The following FIG4 variants were observed in gnomAD, a reference collection of about 807,000 sequenced individuals.
The protein encoded by FIG4 is polyphosphoinositide phosphatase.
In FIG4, 112 loss-of-function variants were observed where a neutral mutation model predicts 118.6. That is an observed-to-expected ratio of 0.94 (90% CI 0.81 to 1.11). The LOEUF is 1.11. Among genes scored for constraint, FIG4 ranks in the 50% least tolerant of loss-of-function variants. The pLI, the probability that FIG4 is intolerant of heterozygous loss-of-function variation, is 0.00. For missense variants in FIG4, 969 were observed against 1,111.7 expected (o/e 0.87, Z 1.83); for synonymous variants, 369 against 381.2 (o/e 0.97, Z 0.37).
At chr6:109,770,688 G>A (rs2128393459) in intron 15 of FIG4, among the ~76,000 whole-genome samples, 1 of 152,202 alleles carries the variant, frequency 6.6e-6, no homozygotes. Context: ...CACATGGCAA[G>A]GGGTGAGGGG....
chr6:109,775,031 G>A (rs908225599), intron 15 of FIG4, among the ~76,000 whole-genome samples: 2 of 152,164 alleles, frequency 1.3e-5, no homozygotes, highest in African/African-American at 4.8e-5. Flanking sequence ...AATGTAGTCA[G>A]TAGTAAAATT....
chr6:109,694,760 A>G (rs1394814968), intron 1 of FIG4, among the ~76,000 whole-genome samples: 1 of 152,202 alleles, frequency 6.6e-6, no homozygotes, highest in African/African-American at 2.4e-5. Context: ...AGATAATCCA[A>G]TTAAAAATGG....
chr6:109,723,858 G>C (rs970950057), intron 3 of FIG4, among the ~76,000 whole-genome samples: 5 of 152,210 alleles, frequency 3.3e-5, no homozygotes, highest in African/African-American at 1.2e-4. Context: ...TGGAGAGAGA[G>C]AAGAATGGAG....
At chr6:109,805,869 A>T (rs1421407348) in intron 22 of FIG4, among the ~76,000 whole-genome samples, 1 of 152,192 alleles carries the variant, frequency 6.6e-6, no homozygotes, top group South Asian at 2.1e-4. Context: ...GTGACTTGAA[A>T]ATACAAAAGT....
rs1266510081 is a variant in FIG4 at position 109,752,151 on chromosome 6, C to T, written c.1138-8099C>T. On this transcript the variant is annotated intron_variant, in intron 10 of 22. Coordinates refer to ENST00000230124, the MANE Select transcript of FIG4 (RefSeq NM_014845.6). ...ATGATTTCCAATTTCATCCATGCCC[C>T]TACAAAGGACATGAATTCATCATTT... is the stretch of plus-strand genomic sequence containing the variant. 7.9e-5 allele frequency among the ~76,000 whole-genome samples: 12 copies of T among 152,028 alleles called. No homozygotes were observed. The South Asian group carries it at 1.7e-3, about 21-fold the overall frequency.
At chr6:109,721,273 A>C (rs2128382562) in intron 3 of FIG4, among the ~76,000 whole-genome samples, 1 of 152,246 alleles carries the variant, frequency 6.6e-6, no homozygotes, top group South Asian at 2.1e-4. Flanking sequence ...TAGAGATGTC[A>C]CTTTGGTTCC....
At chr6:109,741,418 T>A (rs747738712) in intron 7 of FIG4, 26 bp from the exon 8 acceptor site, 4 of 1,449,052 alleles carry the variant, frequency 2.8e-6, no homozygotes, top group Non-Finnish European at 3.9e-6. Flanking sequence ...TCATGAATGC[T>A]AAACAACCTT....
chr6:109,741,152 CCTTA>C (rs746497602), intron 7 of FIG4, among the ~76,000 whole-genome samples: 4 of 152,138 alleles, frequency 2.6e-5, no homozygotes, highest in Non-Finnish European at 4.4e-5. Context: ...TTGTTTACAT[CCTTA>C]CTTGGCCATA....
chr6:109,749,588 T>TAAAATAAAATAAAATAAAATAA (rs1554302298), intron 10 of FIG4, among the ~76,000 whole-genome samples: 1 of 141,764 alleles, frequency 7.1e-6, no homozygotes, highest in South Asian at 2.3e-4. Flanking sequence ...CCTGCCTCAA[T>TAAAATAAAATAAAATAAAATAA]AATAAAATAA....
intron 3 of FIG4, among the ~76,000 whole-genome samples, chr6:109,716,810 G>T (rs969578765): frequency 2.6e-5 from 4 of 152,106 alleles, no homozygotes; most frequent in African/African-American, 9.7e-5. Context: ...AATGTTTTTG[G>T]CCTTTGAGGA....
intron 6 of FIG4, among the ~76,000 whole-genome samples, chr6:109,737,636 C>T (rs533966376): frequency 2.0e-5 from 3 of 152,216 alleles, no homozygotes; most frequent in East Asian, 3.9e-4. Context: ...TATAAACATA[C>T]TTTTAATTTT....
At chr6:109,794,593 G>A (rs17613515) in intron 21 of FIG4, among the ~76,000 whole-genome samples, 1,726 of 152,322 alleles carry the variant, frequency 0.011, 17 homozygotes, top group Non-Finnish European at 0.019. Flanking sequence ...GGATGTTCAG[G>A]GACTGATTGG....
At chr6:109,754,637 A>C (rs1776823151) in intron 10 of FIG4, among the ~76,000 whole-genome samples, 1 of 152,074 alleles carries the variant, frequency 6.6e-6, no homozygotes, top group Admixed American at 6.5e-5. Flanking sequence ...TGGTCTATTC[A>C]GAGATTCAAC....
intron 21 of FIG4, 68 bp from the exon 22 acceptor site, chr6:109,796,697 G>C: frequency 1.1e-6 from 1 of 902,010 alleles, no homozygotes; most frequent in Non-Finnish European, 1.9e-6. Context: ...ACACCATTTT[G>C]TGTGATCTAC....
intron 1 of FIG4, among the ~76,000 whole-genome samples, chr6:109,707,850 G>A (rs574569015): frequency 2.0e-5 from 3 of 151,948 alleles, no homozygotes; most frequent in East Asian, 1.9e-4. Flanking sequence ...TTTTTGAAGC[G>A]AAATATCTTT....
chr6:109,819,152 TA>T (rs1327396764), intron 22 of FIG4, among the ~76,000 whole-genome samples: 5 of 152,206 alleles, frequency 3.3e-5, no homozygotes, highest in Non-Finnish European at 1.5e-5. Context: ...GACCTATAAA[TA>T]AAGACTGCCT....
At chr6:109,810,373 C>A (rs1425122163) in intron 22 of FIG4, among the ~76,000 whole-genome samples, 1 of 152,182 alleles carries the variant, frequency 6.6e-6, no homozygotes, top group Non-Finnish European at 1.5e-5. Flanking sequence ...GGATCTGATC[C>A]CATTCCTTCC....
At chr6:109,726,098 G>A (rs1413391516) in intron 3 of FIG4, among the ~76,000 whole-genome samples, 4 of 149,566 alleles carry the variant, frequency 2.7e-5, no homozygotes, top group African/African-American at 9.7e-5. Context: ...AAGCTCTTTA[G>A]TTTAATTAAA....
chr6:109,701,636 A>T (rs1453340325), intron 1 of FIG4: 1 of 467,950 alleles, frequency 2.1e-6, no homozygotes, highest in Non-Finnish European at 4.4e-6. Flanking sequence ...ATATGTATGC[A>T]TTTATTGCCT....
Sources: allele counts gnomAD v4.1 joint callset (sites outside exome capture counted in the v4.1 genomes callset), GRCh38; gene constraint gnomAD v4.1.1; transcripts MANE v1.5; gene names NCBI Gene and HGNC (gene_info 2026-07-23, HGNC 2026-07-21).